Variants in TENM3 observed in about 807,000 individuals in gnomAD.
TENM3 encodes the protein teneurin transmembrane protein 3.
Under a neutral mutation model 255.1 loss-of-function variants are expected in TENM3, and 63 were observed. The observed-to-expected ratio is 0.25, with a 90% CI of 0.20 to 0.30. The LOEUF is 0.30. Ranked by LOEUF, TENM3 falls within the 10% of genes least tolerant of loss-of-function variation. The pLI is 1.00. For synonymous variants in TENM3, 1,306 were observed against 1,322.3 expected (o/e 0.99, Z 0.27); for missense variants, 2,929 against 3,461.1 (o/e 0.85, Z 3.86).
At position 182,753,871 on chromosome 4, in the gene TENM3, A is replaced by G. The variant is rs145002759; in HGVS notation, c.4017+267A>G. 2.0e-4 allele frequency among the ~76,000 whole-genome samples: 30 copies of G among 152,380 alleles called. 1 individual carries two copies. The East Asian group carries it at 5.8e-3, about 29-fold the overall frequency. ...AATAAAATACCAGTAAAGTAGGAGC[A>G]TGCAGGTATTCTAAAAAGAACCAAA... On this transcript the variant is annotated intron_variant, in intron 21 of 27. Coordinates refer to ENST00000511685, the MANE Select transcript of TENM3 (RefSeq NM_001080477.4).
chr4:181,740,348 T>A, the TENM3 span, among the ~76,000 whole-genome samples: 7 of 152,296 alleles, frequency 4.6e-5, no homozygotes, highest in South Asian at 1.5e-3. Context: ...AAAATAGGAA[T>A]GATATGAGAA....
chr4:181,704,899 C>T, the TENM3 span, among the ~76,000 whole-genome samples: 244 of 151,972 alleles, frequency 1.6e-3, no homozygotes, highest in Admixed American at 2.9e-3. Flanking sequence ...CTTGGTGATA[C>T]GTGCCTGTAA....
the TENM3 span, among the ~76,000 whole-genome samples, chr4:181,726,573 A>G: frequency 6.6e-6 from 1 of 152,148 alleles, no homozygotes; most frequent in African/African-American, 2.4e-5. Context: ...GAGGAAAAAA[A>G]CTAACTGTTT....
chr4:182,529,977 T>C (rs1294870055), intron 3 of TENM3, among the ~76,000 whole-genome samples: 3 of 152,198 alleles, frequency 2.0e-5, no homozygotes, highest in Non-Finnish European at 4.4e-5. Flanking sequence ...GGTTTGAGTA[T>C]ATATGTAAGC....
chr4:182,698,286 C>T (rs1255091542), intron 12 of TENM3, among the ~76,000 whole-genome samples: 1 of 152,154 alleles, frequency 6.6e-6, no homozygotes, highest in African/African-American at 2.4e-5. Flanking sequence ...CTGTTACAAT[C>T]TGTATACTAT....
chr4:182,738,379 C>T (rs777615811), intron 17 of TENM3, 22 bp from the exon 18 acceptor site: 12 of 1,564,856 alleles, frequency 7.7e-6, no homozygotes, highest in Non-Finnish European at 9.5e-6. Context: ...GAAAGATGAG[C>T]TGTGATTTGT....
At position 182,714,223 on chromosome 4, in the gene TENM3, C is replaced by T. The variant is rs1449450530; in HGVS notation, c.2358C>T (p.Asp786=). 1 of 1,545,646 alleles carries T rather than the reference C, an allele frequency of 6.5e-7. No homozygotes were observed. The highest frequency in any genetic ancestry group is 1.1e-5 in the South Asian group (1 of 89,900). ...AMETLCTDSK[D]NEGDGLIDCM... ...AGACTCTTTGCACAGATAGCAAGGA[C>T]AATGAAGGAGGTAAGAAATACTGAG... The change falls in exon 13 of 28, where the codon GAC becomes GAT. Residue 786 remains aspartate, a synonymous_variant. Transcript: ENST00000511685.
At chr4:182,448,502 G>T (rs557624243) in intron 3 of TENM3, among the ~76,000 whole-genome samples, 56 of 152,338 alleles carry the variant, frequency 3.7e-4, no homozygotes, top group African/African-American at 1.3e-3. Context: ...CGGGACGCAT[G>T]AATGGTGGCA....
intron 10 of TENM3, among the ~76,000 whole-genome samples, chr4:182,681,560 G>A (rs377230032): frequency 6.6e-5 from 10 of 152,314 alleles, no homozygotes; most frequent in African/African-American, 2.4e-4. Flanking sequence ...GAAACCTCAA[G>A]AGCCTGTGTG....
At chr4:182,705,944 G>A (rs1758250008) in intron 12 of TENM3, among the ~76,000 whole-genome samples, 1 of 152,128 alleles carries the variant, frequency 6.6e-6, no homozygotes, top group South Asian at 2.1e-4. Flanking sequence ...CAGCATTAAA[G>A]CTTTCTTTAG....
intron 3 of TENM3, among the ~76,000 whole-genome samples, chr4:182,486,133 A>G (rs1465662475): frequency 6.6e-6 from 1 of 152,126 alleles, no homozygotes; most frequent in Non-Finnish European, 1.5e-5. Flanking sequence ...AAGAATAACC[A>G]TAAAGATGGA....
At chr4:182,600,641 C>G (rs762316571) in intron 3 of TENM3, among the ~76,000 whole-genome samples, 1 of 151,788 alleles carries the variant, frequency 6.6e-6, no homozygotes, top group East Asian at 1.9e-4. Flanking sequence ...GTTAATAAAA[C>G]CAGATGAAAA....
chr4:182,764,578 C>T (rs575053894), intron 22 of TENM3, among the ~76,000 whole-genome samples: 1 of 152,212 alleles, frequency 6.6e-6, no homozygotes, highest in South Asian at 2.1e-4. Context: ...AAAGGCTACC[C>T]AGAAGAGAGA....
At chr4:181,575,676 A>G in the TENM3 span, among the ~76,000 whole-genome samples, 1 of 152,316 alleles carries the variant, frequency 6.6e-6, no homozygotes, top group African/African-American at 2.4e-5. Context: ...AAGCTTTCTG[A>G]ATCAGTGCTC....
At chr4:182,660,705 T>C (rs1293239013) in intron 6 of TENM3, among the ~76,000 whole-genome samples, 1 of 152,220 alleles carries the variant, frequency 6.6e-6, no homozygotes, top group Non-Finnish European at 1.5e-5. Context: ...AAAGAAATAT[T>C]ATCGTGTATT....
At chr4:182,272,440 A>C (rs1561268013) in intron 1 of TENM3, among the ~76,000 whole-genome samples, 1 of 152,198 alleles carries the variant, frequency 6.6e-6, no homozygotes, top group Non-Finnish European at 1.5e-5. Context: ...ATGAAATGAG[A>C]CGAGAGCAAA....
Position 182,754,552 on chromosome 4 carries a change from G to C in TENM3, c.4185G>C (p.Lys1395Asn), listed in dbSNP as rs1762592465. The part of the protein sequence containing the change: ...QVPGVEYPVG[K>N]HAVQTTLESA... ...CCGGAGTGGAATATCCTGTGGGGAA[G>C]CACGCGGTGCAGACAACACTGGAAT... Residue 1395 changes from lysine to asparagine, a missense_variant, in exon 22 of 28, where the codon AAG becomes AAC. Physicochemically the swap from Lys to Asn is moderately conservative, Grantham distance 94 (BLOSUM62 0). Transcript: ENST00000511685. This position sits in a 1 kb window ranked among gnomAD's most constrained non-coding sequence, Gnocchi z 5.1. The C allele has an allele frequency of 1.9e-6, 3 of 1,613,944 alleles. No individual in the cohort carries two copies. The East Asian group carries it at 6.7e-5, about 36-fold the overall frequency.
At chr4:182,428,354 G>T (rs1305000249) in intron 3 of TENM3, among the ~76,000 whole-genome samples, 1 of 152,106 alleles carries the variant, frequency 6.6e-6, no homozygotes, top group African/African-American at 2.4e-5. Context: ...AGAGCATAAA[G>T]AGATGCCATA....
chr4:181,617,561 G>C, the TENM3 span, among the ~76,000 whole-genome samples: 1 of 152,170 alleles, frequency 6.6e-6, no homozygotes, highest in Non-Finnish European at 1.5e-5. Context: ...CAGAGTGCAA[G>C]AGTGGGCAAA....
Sources: gnomAD v4.1 joint callset for allele counts (sites outside exome capture counted in the v4.1 genomes callset) on GRCh38, gnomAD v4.1.1 for gene constraint, Gnocchi (gnomAD v3.1) non-coding constraint, MANE v1.5 for transcripts, NCBI Gene and HGNC (gene_info 2026-07-23, HGNC 2026-07-21) for gene names.